XRRA1: variants seen among roughly 807,000 people sequenced by gnomAD.
The protein encoded by XRRA1 is X-ray radiation resistance associated 1, also known as X-ray radiation resistance-associated protein 1.
XRRA1 carries 69 observed loss-of-function variants against 80.2 expected under a neutral mutation model. That is an observed-to-expected ratio of 0.86 (90% CI 0.71 to 1.05). The LOEUF (loss-of-function observed/expected upper bound fraction) is 1.05, where lower values mean the gene tolerates loss of function less well. Ranked by LOEUF, XRRA1 falls within the 50% of genes least tolerant of loss-of-function variation. The pLI, the probability that XRRA1 is intolerant of heterozygous loss-of-function variation, is 0.00. For missense variants in XRRA1, 967 were observed against 976.4 expected, an observed-to-expected ratio of 0.99 and a Z score of 0.13; for synonymous variants, 348 against 389.9, an observed-to-expected ratio of 0.89 and a Z score of 1.27.
chr11:74,892,808 C>T (rs1248143090), intron 10 of XRRA1, among the ~76,000 whole-genome samples: 5 of 151,886 alleles, frequency 3.3e-5, no homozygotes, highest in African/African-American at 4.8e-5. Flanking sequence ...TGAAAAAATG[C>T]TCATCATCAC....
rs893158617 is a variant in XRRA1 at position 74,949,036 on chromosome 11, G to C, written c.-181C>G. 5 of 374,386 alleles carry C rather than the reference G, an allele frequency of 1.3e-5. No individual in the cohort carries two copies. The highest frequency in any genetic ancestry group is 2.5e-5 in the Non-Finnish European group (5 of 203,800). 23.2% of individuals were successfully genotyped at this position (374,386 alleles called of 1,614,324 possible). Reference sequence around the variant, plus strand: ...GGGGATCTCGGAGCCGCTCCACTGCGGTGCCTGCCGCTATCTTCCCCACGC... The same window carrying C: ...GGGGATCTCGGAGCCGCTCCACTGCCGTGCCTGCCGCTATCTTCCCCACGC... On this transcript the variant is annotated 5_prime_UTR_variant, in exon 1 of 19. Coordinates refer to ENST00000684022, the MANE Select transcript of XRRA1 (RefSeq NM_001378157.1).
chr11:74,915,374 G>A (rs1012218979), intron 8 of XRRA1, among the ~76,000 whole-genome samples: 2 of 152,204 alleles, frequency 1.3e-5, no homozygotes, highest in Non-Finnish European at 2.9e-5. Context: ...CCCTGTGGCG[G>A]AGACTCTCAA....
At chr11:74,851,409 A>G (rs1167447819) in intron 13 of XRRA1, among the ~76,000 whole-genome samples, 1 of 152,190 alleles carries the variant, frequency 6.6e-6, no homozygotes, top group African/African-American at 2.4e-5. Context: ...ACTGAGGCAC[A>G]GAGAGGCTAA....
intron 16 of XRRA1, among the ~76,000 whole-genome samples, 171 bp from the exon 17 acceptor site, chr11:74,844,454 A>C (rs2037452450): frequency 6.6e-6 from 1 of 152,184 alleles, no homozygotes. Context: ...CAGTGCCTGA[A>C]GTTCCATCAT....
intron 4 of XRRA1, 38 bp downstream of exon 4, chr11:74,936,846 C>A (rs757153504): frequency 7.2e-5 from 115 of 1,588,840 alleles, no homozygotes; most frequent in Non-Finnish European, 9.6e-5. Flanking sequence ...CCCACCCTAG[C>A]TGATGTGCTG....
chr11:74,855,270 T>C (rs1032634924), intron 12 of XRRA1, among the ~76,000 whole-genome samples: 4 of 151,928 alleles, frequency 2.6e-5, no homozygotes, highest in African/African-American at 9.7e-5. Flanking sequence ...GTCTTGTGTG[T>C]GCAAATCAAG....
intron 10 of XRRA1, among the ~76,000 whole-genome samples, chr11:74,880,730 A>T (rs1362627484): frequency 6.6e-6 from 1 of 151,176 alleles, no homozygotes; most frequent in Admixed American, 6.6e-5. Flanking sequence ...CCCAGTAGTC[A>T]TTCAGGAGCA....
At chr11:74,854,142 G>A (rs1240080143) in intron 12 of XRRA1, among the ~76,000 whole-genome samples, 1 of 152,176 alleles carries the variant, frequency 6.6e-6, no homozygotes, top group Non-Finnish European at 1.5e-5. Flanking sequence ...TTTGCTTTGG[G>A]TATGTGTATG....
intron 4 of XRRA1, among the ~76,000 whole-genome samples, chr11:74,935,089 G>A (rs1266168181): frequency 6.6e-6 from 1 of 152,196 alleles, no homozygotes; most frequent in East Asian, 1.9e-4. Context: ...ACTCATGACT[G>A]TTCGGGCATG....
At chr11:74,910,232 G>A (rs1348622257) in intron 8 of XRRA1, among the ~76,000 whole-genome samples, 1 of 152,214 alleles carries the variant, frequency 6.6e-6, no homozygotes, top group African/African-American at 2.4e-5. Context: ...CAAACTGTGT[G>A]TGTGTAAAAG....
At chr11:74,939,122 C>T (rs1591620448) in intron 3 of XRRA1, among the ~76,000 whole-genome samples, 1 of 152,176 alleles carries the variant, frequency 6.6e-6, no homozygotes, top group African/African-American at 2.4e-5. Flanking sequence ...GAGGCTGAGG[C>T]GGGTGGATCA....
chr11:74,945,955 TTTTA>T (rs550451118), intron 1 of XRRA1, among the ~76,000 whole-genome samples: 144 of 152,116 alleles, frequency 9.5e-4, no homozygotes, highest in African/African-American at 2.8e-3. Context: ...CCACTTCTTT[TTTTA>T]TTTATTTTTT....
chr11:74,845,051 G>A, intron 16 of XRRA1, 22 bp downstream of exon 16: 1 of 1,609,866 alleles, frequency 6.2e-7, no homozygotes, highest in Non-Finnish European at 8.5e-7. Flanking sequence ...TTGCCCTAGA[G>A]CAAGGATATG....
At chr11:74,851,962 GA>G in intron 13 of XRRA1, 26 bp downstream of exon 13, 1 of 1,599,018 alleles carries the variant, frequency 6.3e-7, no homozygotes, top group South Asian at 1.1e-5. Flanking sequence ...ACTGGGTTGA[GA>G]GGGGGCAGGT....
chr11:74,935,713 G>C (rs1944805399), intron 4 of XRRA1, among the ~76,000 whole-genome samples: 1 of 152,134 alleles, frequency 6.6e-6, no homozygotes, highest in African/African-American at 2.4e-5. Flanking sequence ...AGGAGCATTG[G>C]TGCTGTAATT....
rs55842712 is a variant in XRRA1 at position 74,859,203 on chromosome 11, G to C, written c.1125C>G (p.Ala375=). 5,815 of 1,609,622 alleles carry C rather than the reference G, an allele frequency of 3.6e-3. 17 individuals carry two copies. The highest frequency in any genetic ancestry group is 4.3e-3 in the Non-Finnish European group (5,072 of 1,178,242). The part of the protein sequence containing the change: ...KSLKARNQTL[A]PPFPELRYLS... The stretch of plus-strand genomic sequence containing the variant: ...GGTATCTCAGCTCTGGGAAGGGTGG[G>C]GCCAGCGTCTGGTTCCTGGCCTTCA... The change falls in exon 12 of 19, where the codon GCC becomes GCG. Residue 375 remains alanine, a synonymous_variant. Transcript: ENST00000684022.
At chr11:74,899,523 G>A (rs542781663) in intron 10 of XRRA1, among the ~76,000 whole-genome samples, 1 of 151,766 alleles carries the variant, frequency 6.6e-6, no homozygotes, top group African/African-American at 2.4e-5. Flanking sequence ...GTTAGGCTAA[G>A]AAAAAAACAG....
chr11:74,945,657 GA>G (rs1308598713), intron 1 of XRRA1, among the ~76,000 whole-genome samples: 1 of 150,754 alleles, frequency 6.6e-6, no homozygotes, highest in African/African-American at 2.4e-5. Context: ...TTATATGGTA[GA>G]AAAAAAAGTC....
chr11:74,860,792 T>A (rs2042148197), intron 11 of XRRA1, among the ~76,000 whole-genome samples: 1 of 152,228 alleles, frequency 6.6e-6, no homozygotes, highest in Non-Finnish European at 1.5e-5. Flanking sequence ...ATTTGTCTGG[T>A]CTTTATCCCA....
Sources: allele counts gnomAD v4.1 joint callset (sites outside exome capture counted in the v4.1 genomes callset), GRCh38; gene constraint gnomAD v4.1.1; transcripts MANE v1.5; gene names NCBI Gene and HGNC (gene_info 2026-07-23, HGNC 2026-07-21).